NUP210L: variants seen among roughly 807,000 people sequenced by gnomAD.
NUP210L encodes nuclear pore membrane glycoprotein 210-like.
Under a neutral mutation model 208.5 loss-of-function variants are expected in NUP210L, and 74 were observed. The observed-to-expected ratio is 0.35, with a 90% CI of 0.29 to 0.43. The LOEUF (loss-of-function observed/expected upper bound fraction) is 0.43, where lower values mean the gene tolerates loss of function less well. Among genes scored for constraint, NUP210L ranks in the 20% least tolerant of loss-of-function variants. The pLI is 1.00. For synonymous variants in NUP210L, 780 were observed against 816.9 expected, an observed-to-expected ratio of 0.95 and a Z score of 0.77; for missense variants, 1,843 against 2,289.4, an observed-to-expected ratio of 0.81 and a Z score of 3.98.
intron 8 of NUP210L, among the ~76,000 whole-genome samples, chr1:154,127,842 A>G (rs976990178): frequency 5.3e-5 from 8 of 150,968 alleles, no homozygotes; most frequent in Non-Finnish European, 1.0e-4. Flanking sequence ...GGCCTGAGCC[A>G]CTGTGCCTGG....
chr1:154,038,428 T>C (rs924053839), intron 27 of NUP210L, among the ~76,000 whole-genome samples: 1 of 151,538 alleles, frequency 6.6e-6, no homozygotes, highest in Non-Finnish European at 1.5e-5. Context: ...CTGCAACCTC[T>C]GCCTCCCAGG....
intron 6 of NUP210L, 28 bp downstream of exon 6, chr1:154,138,078 T>G (rs1658637420): frequency 6.9e-6 from 10 of 1,452,794 alleles, no homozygotes; most frequent in Non-Finnish European, 9.1e-6. Flanking sequence ...GAAATGTGAG[T>G]CATAGGAGAA....
In NUP210L at chr1:153,998,292, C is replaced by T. The variant is rs143042881; in HGVS notation, c.5386+2564G>A. On this transcript the variant is annotated intron_variant, in intron 37 of 39. Coordinates refer to ENST00000368559, the Ensembl canonical transcript of NUP210L. ...ATGCACGGCCAGGCGCAGTAACTTA[C>T]GCCTGTAATCCCATCATTTTGGGAG... Among the ~76,000 whole-genome samples, 1,032 of 152,190 alleles carry T rather than the reference C, an allele frequency of 6.8e-3. 14 individuals are homozygous for T. Among genetic ancestry groups the T allele is most frequent in the African/African-American group, 0.024 (993 of 41,530 alleles).
At chr1:154,111,968 C>T (rs936553387) in intron 12 of NUP210L, among the ~76,000 whole-genome samples, 4 of 151,390 alleles carry the variant, frequency 2.6e-5, no homozygotes, top group African/African-American at 9.8e-5. Flanking sequence ...CACTCTGTTG[C>T]CCAGGCTGGA....
At chr1:154,082,702 GA>G (rs2148033244) in intron 16 of NUP210L, among the ~76,000 whole-genome samples, 1 of 152,296 alleles carries the variant, frequency 6.6e-6, no homozygotes, top group Non-Finnish European at 1.5e-5. Context: ...ACCAATTACG[GA>G]ACTGGTCAGA....
intron 16 of NUP210L, among the ~76,000 whole-genome samples, chr1:154,070,943 T>C (rs1271150116): frequency 6.6e-6 from 1 of 152,258 alleles, no homozygotes; most frequent in Non-Finnish European, 1.5e-5. Context: ...ATCTAGAAGT[T>C]AATCAAGGTG....
At chr1:154,126,423 T>C in exon 10 of NUP210L, 1 of 1,613,528 alleles carries the variant, frequency 6.2e-7, no homozygotes, top group Non-Finnish European at 8.5e-7. Flanking sequence ...TAGTTGCTCT[T>C]CAAAGTACTC....
intron 12 of NUP210L, among the ~76,000 whole-genome samples, chr1:154,111,110 C>T (rs920952333): frequency 2.0e-5 from 3 of 150,240 alleles, no homozygotes; most frequent in Admixed American, 6.6e-5. Context: ...TGGCTGGGCA[C>T]GGTGGCTCAT....
intron 16 of NUP210L, among the ~76,000 whole-genome samples, chr1:154,074,037 T>C (rs1365486808): frequency 2.6e-5 from 4 of 151,470 alleles, no homozygotes; most frequent in Non-Finnish European, 4.4e-5. Context: ...TTTGTCGTTG[T>C]TTTTTGTTTT....
At chr1:154,059,311 G>C (rs1300769132) in intron 20 of NUP210L, among the ~76,000 whole-genome samples, 2 of 150,954 alleles carry the variant, frequency 1.3e-5, no homozygotes, top group African/African-American at 4.9e-5. Context: ...CTTCAGCCTG[G>C]GAAACAGAGT....
chr1:154,086,193 T>C (rs372652036), intron 16 of NUP210L, among the ~76,000 whole-genome samples: 11 of 135,030 alleles, frequency 8.1e-5, no homozygotes, highest in South Asian at 4.6e-4. Context: ...GCCTGGGCAA[T>C]AGAGTGAGAC....
At chr1:154,018,623 C>A (rs191170102) in intron 33 of NUP210L, among the ~76,000 whole-genome samples, 2 of 152,250 alleles carry the variant, frequency 1.3e-5, no homozygotes, top group Admixed American at 6.5e-5. Context: ...TCTGTCACCA[C>A]CCTGATCTGC....
chr1:154,065,447 AT>A (rs1380546220), intron 17 of NUP210L, among the ~76,000 whole-genome samples: 1 of 152,182 alleles, frequency 6.6e-6, no homozygotes, highest in African/African-American at 2.4e-5. Context: ...TATTTTAAAA[AT>A]GATTTAATTT....
At position 154,035,587 on chromosome 1, in the gene NUP210L, C is replaced by T. The variant is rs559278750; in HGVS notation, c.3697-5533G>A. Among the ~76,000 whole-genome samples, 8 of 151,720 alleles carry T rather than the reference C, an allele frequency of 5.3e-5. No individual in the cohort carries two copies. In the South Asian group the frequency reaches 8.3e-4, roughly 16 times the overall value. Reference sequence around the variant, plus strand: ...TAATTTTTTGTATTTTTAGTGGAGACGGGGTTTCACCATGTTGGCCACACT... The same window carrying T: ...TAATTTTTTGTATTTTTAGTGGAGATGGGGTTTCACCATGTTGGCCACACT... On this transcript the variant is annotated intron_variant, in intron 27 of 39. Coordinates refer to ENST00000368559, the Ensembl canonical transcript of NUP210L.
chr1:154,070,571 A>T lies in NUP210L; in HGVS notation c.2362-106T>A, dbSNP rs1276956274. ...AATCGAGTTTTCTCTCAATATTTTT[A>T]CCTTAAAAATTTGCAAACTTATAGC... On this transcript the variant is annotated intron_variant, in intron 16 of 39. Coordinates refer to ENST00000368559, the Ensembl canonical transcript of NUP210L. The T allele has an allele frequency of 5.0e-6, 4 of 795,774 alleles. No individual in the cohort carries two copies. In the East Asian group the frequency reaches 1.2e-4, roughly 24 times the overall value. 49.3% of individuals were successfully genotyped at this position (795,774 alleles called of 1,614,324 possible). A position where few individuals can be genotyped will look rare whatever the true frequency, so the allele number is the denominator to read the frequency against.
intron 15 of NUP210L, among the ~76,000 whole-genome samples, chr1:154,092,979 T>C (rs555222180): frequency 6.6e-6 from 1 of 152,172 alleles, no homozygotes; most frequent in African/African-American, 2.4e-5. Context: ...CCTGCCTTGA[T>C]TCCCCAAAGT....
chr1:154,072,378 G>C (rs529741636), intron 16 of NUP210L, among the ~76,000 whole-genome samples: 1 of 139,758 alleles, frequency 7.2e-6, no homozygotes, highest in East Asian at 2.1e-4. Context: ...TGTTGCCCAG[G>C]CTAGAGTGCA....
chr1:154,120,087 T>G (rs1657536074), intron 10 of NUP210L, among the ~76,000 whole-genome samples: 1 of 152,238 alleles, frequency 6.6e-6, no homozygotes, highest in South Asian at 2.1e-4. Context: ...ATTGCCATTC[T>G]AACTGGTGTG....
chr1:154,027,512 G>A (rs1651960699), exon 29 of NUP210L: 4 of 1,606,556 alleles, frequency 2.5e-6, no homozygotes, highest in Non-Finnish European at 3.4e-6. Context: ...TTACCTGTTG[G>A]TATGGAGTTT....
Sources: gnomAD v4.1 joint callset for allele counts (sites outside exome capture counted in the v4.1 genomes callset) on GRCh38, gnomAD v4.1.1 for gene constraint, MANE v1.5 for transcripts, NCBI Gene and HGNC (gene_info 2026-07-23, HGNC 2026-07-21) for gene names.